FAM221A: variants seen among roughly 807,000 people sequenced by gnomAD.
FAM221A encodes the protein family with sequence similarity 221 member A, also known as protein FAM221A.
Under a neutral mutation model 37.6 loss-of-function variants are expected in FAM221A, and 43 were observed. The observed-to-expected ratio is 1.15, with a 90% confidence interval of 0.90 to 1.48. The LOEUF is 1.48. Ranked by LOEUF, FAM221A falls within the 40% of genes most tolerant of loss-of-function variation. The pLI is 0.00. For missense variants in FAM221A, 361 were observed against 361.5 expected, an observed-to-expected ratio of 1.00 and a Z score of 0.01; for synonymous variants, 135 against 132.9, an observed-to-expected ratio of 1.02 and a Z score of -0.11.
In FAM221A at chr7:23,690,197, A is replaced by ATT. The variant is rs1429439145; in HGVS notation, c.430+739_430+740insTT. Among the ~76,000 whole-genome samples the ATT allele has an allele frequency of 3.4e-3, 122 of 36,416 alleles. 1 individual carries two copies. The highest frequency in any genetic ancestry group is 0.029 in the Middle Eastern group (2 of 70). 23.9% of individuals were successfully genotyped at this position (36,416 alleles called of 152,430 possible). A position where few individuals can be genotyped will look rare whatever the true frequency, so the allele number is the denominator to read the frequency against. ...TATATATATATATATATATATATAT[A>ATT]TATTTTTTTTTTTTTTAATAGAGTT... On this transcript the variant is annotated intron_variant, in intron 3 of 6. Coordinates refer to ENST00000344962, the MANE Select transcript of FAM221A (RefSeq NM_199136.5).
chr7:23,684,208 G>C (rs774806289), intron 1 of FAM221A, among the ~76,000 whole-genome samples: 31 of 151,914 alleles, frequency 2.0e-4, no homozygotes, highest in Non-Finnish European at 3.2e-4. Flanking sequence ...CCTTCGTTAT[G>C]TTGTCATGCT....
intron 1 of FAM221A, among the ~76,000 whole-genome samples, chr7:23,680,971 G>T (rs1006301202): frequency 6.6e-6 from 1 of 152,168 alleles, no homozygotes; most frequent in African/African-American, 2.4e-5. Flanking sequence ...GACGCTCCAG[G>T]CTCCGCCAGG....
intron 5 of FAM221A, 35 bp downstream of exon 5, chr7:23,698,334 T>C (rs1320930918): frequency 4.3e-6 from 5 of 1,157,614 alleles, no homozygotes; most frequent in South Asian, 1.4e-5. Flanking sequence ...TTTTTGGATG[T>C]AGTAAATTGG....
chr7:23,692,028 C>T (rs1378322618), intron 4 of FAM221A, among the ~76,000 whole-genome samples: 1 of 152,130 alleles, frequency 6.6e-6, no homozygotes, highest in Non-Finnish European at 1.5e-5. Context: ...GGTTTATGTT[C>T]ATGTGTGTAT....
intron 1 of FAM221A, among the ~76,000 whole-genome samples, chr7:23,682,519 C>G (rs1372645953): frequency 1.3e-5 from 2 of 150,924 alleles, no homozygotes; most frequent in African/African-American, 4.9e-5. Flanking sequence ...GTAACCTCTG[C>G]CTCCGTGGAA....
At chr7:23,684,448 C>A in intron 1 of FAM221A, 51 bp from the exon 2 acceptor site, 1 of 1,304,598 alleles carries the variant, frequency 7.7e-7, no homozygotes, top group Non-Finnish European at 1.0e-6. Flanking sequence ...TCATAGCTCA[C>A]CCAGAAAATA....
Position 23,697,293 on chromosome 7 carries a change from C to G in FAM221A, c.638-899C>G, listed in dbSNP as rs143195320. 2.0e-3 allele frequency among the ~76,000 whole-genome samples: 310 copies of G among 152,330 alleles called. 7 individuals carry two copies. The East Asian group carries it at 0.055, about 27-fold the overall frequency. On this transcript the variant is annotated intron_variant, in intron 4 of 6. Transcript: ENST00000344962. ...TTATGTTATAAGATGGGGCTAACTTCTAACCCAATTAGGACCACCTGTGGT... is the reference window on the plus strand; with the variant it reads ...TTATGTTATAAGATGGGGCTAACTTGTAACCCAATTAGGACCACCTGTGGT...
intron 4 of FAM221A, chr7:23,694,605 C>T (rs909934748): frequency 6.6e-6 from 1 of 152,184 alleles, no homozygotes; most frequent in Non-Finnish European, 1.5e-5. Context: ...ATCCTCACAA[C>T]AACTCTGTGA....
intron 4 of FAM221A, chr7:23,692,755 C>T (rs6972301): frequency 0.073 from 71,212 of 979,050 alleles, 3,058 homozygotes; most frequent in African/African-American, 0.18. Context: ...ATTCTTTCCC[C>T]GAGGGTAATT....
chr7:23,682,093 T>G (rs1452063497), intron 1 of FAM221A, among the ~76,000 whole-genome samples: 1 of 150,940 alleles, frequency 6.6e-6, no homozygotes, highest in Admixed American at 6.6e-5. Flanking sequence ...TTATTTAGAG[T>G]CTCGCTCTGT....
intron 6 of FAM221A, among the ~76,000 whole-genome samples, 188 bp from the exon 7 acceptor site, chr7:23,701,908 C>T (rs1393607219): frequency 6.6e-6 from 1 of 152,170 alleles, no homozygotes; most frequent in Non-Finnish European, 1.5e-5. Flanking sequence ...TAAAATGCTT[C>T]TGTAAAATTA....
chr7:23,702,783 C>G (rs2128053996), downstream of FAM221A: 1 of 152,222 alleles, frequency 6.6e-6, no homozygotes, highest in South Asian at 2.1e-4. Context: ...CACTGCAAAT[C>G]CTCTTGGCCC....
In FAM221A at chr7:23,684,499, A is replaced by T. The variant is rs1784250779; in HGVS notation, c.66A>T (p.Arg22Ser). The T allele has an allele frequency of 6.3e-7, 1 of 1,582,064 alleles. No individual in the cohort carries two copies. Among genetic ancestry groups the T allele is most frequent in the East Asian group, 2.2e-5 (1 of 44,614 alleles). The change falls in exon 2 of 7, where the codon AGA becomes AGT. Residue 22 changes from arginine to serine, a missense_variant and splice_region_variant. Transcript: ENST00000344962. ...AGAGAAATATATATTTTTGTTGTAG[A>T]ATTGTTGGTGAGGATGATGGAGGGA... ...AAVDEYLEYR[R>S]IVGEDDGGKL...
downstream of FAM221A, chr7:23,703,107 C>A: frequency 6.6e-6 from 1 of 152,320 alleles, no homozygotes. Flanking sequence ...TCAGAAAGTC[C>A]TATCGTTGAG....
chr7:23,687,078 C>T, intron 2 of FAM221A: 1 of 152,348 alleles, frequency 6.6e-6, no homozygotes. Flanking sequence ...AGCCACTGTG[C>T]CATTTAACTG....
At chr7:23,689,652 T>C (rs1457480293) in intron 3 of FAM221A, among the ~76,000 whole-genome samples, 193 bp downstream of exon 3, 6 of 152,222 alleles carry the variant, frequency 3.9e-5, no homozygotes, top group Non-Finnish European at 7.3e-5. Flanking sequence ...TTCATTTTTG[T>C]GGAAGAACTC....
chr7:23,686,032 C>T (rs1784345108), intron 2 of FAM221A, among the ~76,000 whole-genome samples: 1 of 152,078 alleles, frequency 6.6e-6, no homozygotes, highest in Admixed American at 6.5e-5. Context: ...TAGGCAGTTG[C>T]TAGGATGAGT....
intron 4 of FAM221A, chr7:23,694,227 T>C (rs993840348): frequency 6.6e-6 from 1 of 152,228 alleles, no homozygotes; most frequent in Non-Finnish European, 1.5e-5. Flanking sequence ...TTCTGTCATA[T>C]TCTCCATTTT....
At chr7:23,695,295 CTT>C (rs999079507) in intron 4 of FAM221A, among the ~76,000 whole-genome samples, 12 of 152,128 alleles carry the variant, frequency 7.9e-5, no homozygotes, top group Middle Eastern at 3.4e-3. Context: ...TCAGTATTGT[CTT>C]TTCATTTATT....
Sources: gnomAD v4.1 joint callset for allele counts (sites outside exome capture counted in the v4.1 genomes callset) on GRCh38, gnomAD v4.1.1 for gene constraint, MANE v1.5 for transcripts, NCBI Gene and HGNC (gene_info 2026-07-23, HGNC 2026-07-21) for gene names.